Variants in ZNF892 observed in about 807,000 individuals in gnomAD.
ZNF892 encodes the protein zinc finger protein 892, also known as zinc finger protein 570-like.
the ZNF892 span, among the ~76,000 whole-genome samples, chr2:95,242,731 T>G: frequency 6.6e-6 from 1 of 152,194 alleles, no homozygotes; most frequent in Admixed American, 6.5e-5. Flanking sequence ...CCCATCAGTA[T>G]GCTGTCAAGA....
At chr2:95,218,998 C>CTTTTT in the ZNF892 span, among the ~76,000 whole-genome samples, 1 of 151,624 alleles carries the variant, frequency 6.6e-6, no homozygotes. Context: ...TGAGCATTTT[C>CTTTTT]TTTTTTTTGT....
At chr2:95,215,140 C>A in the ZNF892 span, 1 of 471,454 alleles carries the variant, frequency 2.1e-6, no homozygotes, top group Admixed American at 3.6e-5. Flanking sequence ...TGTGGCAAAG[C>A]CTTTAGTGAT....
the ZNF892 span, among the ~76,000 whole-genome samples, chr2:95,233,191 A>C: frequency 6.8e-6 from 1 of 147,548 alleles, no homozygotes; most frequent in Non-Finnish European, 1.5e-5. Context: ...CTTACATTTT[A>C]TTTTTTCCTT....
At chr2:95,222,021 C>T in the ZNF892 span, among the ~76,000 whole-genome samples, 6 of 152,026 alleles carry the variant, frequency 3.9e-5, no homozygotes, top group African/African-American at 1.4e-4. Flanking sequence ...ACAGTTCTGT[C>T]TTAAAATGAC....
chr2:95,259,865 G>A, the ZNF892 span: 1 of 152,260 alleles, frequency 6.6e-6, no homozygotes, highest in South Asian at 2.1e-4. Flanking sequence ...TTTTCCTGGA[G>A]AGAGAGTCCT....
the ZNF892 span, among the ~76,000 whole-genome samples, chr2:95,232,639 A>G: frequency 6.6e-6 from 1 of 152,184 alleles, no homozygotes; most frequent in African/African-American, 2.4e-5. Flanking sequence ...CTTACAGCCT[A>G]TCTGCTTCAA....
At chr2:95,215,928 A>G in the ZNF892 span, among the ~76,000 whole-genome samples, 1 of 152,186 alleles carries the variant, frequency 6.6e-6, no homozygotes, top group Non-Finnish European at 1.5e-5. Context: ...GTATTTTCAT[A>G]ATACTAACAA....
chr2:95,257,360 C>T, the ZNF892 span, among the ~76,000 whole-genome samples: 1 of 152,218 alleles, frequency 6.6e-6, no homozygotes, highest in South Asian at 2.1e-4. Context: ...GCCTGAGTAT[C>T]AGCAGTGGAG....
chr2:95,243,462 C>A, the ZNF892 span, among the ~76,000 whole-genome samples: 10 of 151,664 alleles, frequency 6.6e-5, no homozygotes, highest in African/African-American at 2.4e-4. Flanking sequence ...TCTGCCCGGC[C>A]GCCCATCGTC....
At chr2:95,208,726 C>G in the ZNF892 span, 2 of 398,534 alleles carry the variant, frequency 5.0e-6, no homozygotes, top group African/African-American at 2.1e-5. Context: ...CTGCTGACCC[C>G]TGGGTCCCAA....
At chr2:95,211,673 C>G in the ZNF892 span, 2 of 398,506 alleles carry the variant, frequency 5.0e-6, no homozygotes, top group Non-Finnish European at 8.8e-6. Context: ...CAGCTGAACT[C>G]TCCTCAGGGA....
chr2:95,247,528 A>G, the ZNF892 span, among the ~76,000 whole-genome samples: 1 of 152,214 alleles, frequency 6.6e-6, no homozygotes, highest in Non-Finnish European at 1.5e-5. Context: ...TAAACTAAAG[A>G]GCTTATGCAT....
the ZNF892 span, among the ~76,000 whole-genome samples, chr2:95,213,069 G>A: frequency 6.6e-6 from 1 of 152,156 alleles, no homozygotes; most frequent in Admixed American, 6.6e-5. Context: ...GCATAATACT[G>A]CTAGATTCCC....
At chr2:95,245,505 G>A in the ZNF892 span, among the ~76,000 whole-genome samples, 394 of 143,508 alleles carry the variant, frequency 2.7e-3, 3 homozygotes, top group South Asian at 0.017. Flanking sequence ...TCCTGACCTC[G>A]TGATCCGCCC....
chr2:95,208,613 A>G, the ZNF892 span: 1 of 398,624 alleles, frequency 2.5e-6, no homozygotes, highest in Non-Finnish European at 4.4e-6. Flanking sequence ...TTGCAAGGAC[A>G]GAGTAATCAT....
At chr2:95,249,240 T>A in the ZNF892 span, among the ~76,000 whole-genome samples, 557 of 119,134 alleles carry the variant, frequency 4.7e-3, no homozygotes, top group African/African-American at 0.014. Flanking sequence ...TATTTTTTTT[T>A]TTTTTTTTTT....
At chr2:95,252,593 A>G in the ZNF892 span, among the ~76,000 whole-genome samples, 3 of 152,198 alleles carry the variant, frequency 2.0e-5, no homozygotes, top group Non-Finnish European at 4.4e-5. Context: ...TGCTTTGGGT[A>G]TATACCCAGT....
the ZNF892 span, chr2:95,232,030 G>T: frequency 6.6e-6 from 1 of 152,142 alleles, no homozygotes; most frequent in South Asian, 2.1e-4. Flanking sequence ...CACATTTGCA[G>T]GTATTCAAAA....
chr2:95,230,592 A>G, the ZNF892 span, among the ~76,000 whole-genome samples: 1 of 152,312 alleles, frequency 6.6e-6, no homozygotes, highest in Admixed American at 6.5e-5. Context: ...GTCTCCCAGC[A>G]CTCAGCGATG....
Sources: allele counts gnomAD v4.1 joint callset (sites outside exome capture counted in the v4.1 genomes callset), GRCh38; gene constraint gnomAD v4.1.1; transcripts MANE v1.5; gene names NCBI Gene and HGNC (gene_info 2026-07-23, HGNC 2026-07-21).